LCMT1: variants seen among roughly 807,000 people sequenced by gnomAD.
LCMT1 encodes leucine carboxyl methyltransferase 1.
Under a neutral mutation model 47.7 loss-of-function variants are expected in LCMT1, and 32 were observed. The observed-to-expected ratio is 0.67, with a 90% CI of 0.51 to 0.90. LCMT1 has a LOEUF of 0.90. Ranked by LOEUF, LCMT1 falls within the 40% of genes least tolerant of loss-of-function variation. The pLI is 0.00. For synonymous variants in LCMT1, 152 were observed against 149.7 expected (o/e 1.02, Z -0.11); for missense variants, 375 against 415.2 (o/e 0.90, Z 0.84).
intron 2 of LCMT1, among the ~76,000 whole-genome samples, chr16:25,131,495 A>G (rs1164127980): frequency 6.6e-6 from 1 of 152,270 alleles, no homozygotes; most frequent in Non-Finnish European, 1.5e-5. Context: ...TGAAAATGAC[A>G]TACAATGTAC....
At chr16:25,141,742 C>T (rs936565120) in intron 4 of LCMT1, 7 of 152,308 alleles carry the variant, frequency 4.6e-5, no homozygotes, top group South Asian at 2.1e-4. Context: ...TGTGCATACC[C>T]GCCCTTGTTC....
chr16:25,135,575 T>G (rs1360908215), intron 3 of LCMT1, among the ~76,000 whole-genome samples: 1 of 152,212 alleles, frequency 6.6e-6, no homozygotes, highest in Non-Finnish European at 1.5e-5. Context: ...GGTATGTGTG[T>G]GTCTCTAAAA....
intron 3 of LCMT1, among the ~76,000 whole-genome samples, chr16:25,139,853 C>G (rs1006185018): frequency 2.0e-5 from 3 of 152,126 alleles, no homozygotes; most frequent in Non-Finnish European, 4.4e-5. Context: ...TTTGAAAATA[C>G]GGAGTATATT....
chr16:25,171,146 G>A (rs1033190582), intron 9 of LCMT1, among the ~76,000 whole-genome samples: 18 of 145,070 alleles, frequency 1.2e-4, no homozygotes, highest in African/African-American at 4.5e-4. Context: ...TGAGCCGGGA[G>A]AATCACTTAA....
At chr16:25,129,058 A>G (rs1288014059) in intron 2 of LCMT1, among the ~76,000 whole-genome samples, 2 of 150,280 alleles carry the variant, frequency 1.3e-5, no homozygotes, top group Admixed American at 6.7e-5. Context: ...ACTCCCATTT[A>G]TGAGTGAGAA....
At chr16:25,140,405 A>G (rs1960649651) in intron 4 of LCMT1, 158 bp downstream of exon 4, 6 of 620,444 alleles carry the variant, frequency 9.7e-6, no homozygotes, top group Non-Finnish European at 1.7e-5. Context: ...TCATTCCAGC[A>G]TGTTCTACAG....
intron 5 of LCMT1, among the ~76,000 whole-genome samples, chr16:25,152,291 G>A (rs56043847): frequency 0.037 from 5,649 of 152,212 alleles, 147 homozygotes; most frequent in Middle Eastern, 0.075. Context: ...AGGGAAGAAC[G>A]CCTACAGGCA....
intron 1 of LCMT1, among the ~76,000 whole-genome samples, chr16:25,115,786 T>G (rs1267860806): frequency 6.6e-6 from 1 of 152,142 alleles, no homozygotes; most frequent in African/African-American, 2.4e-5. Flanking sequence ...CAAGCAATTC[T>G]CCCACTTCAG....
At chr16:25,132,662 G>A (rs1960387610) in intron 3 of LCMT1, 139 bp downstream of exon 3, 2 of 827,394 alleles carry the variant, frequency 2.4e-6, no homozygotes, top group Admixed American at 2.7e-5. Flanking sequence ...CTGCCTAGAT[G>A]CCCCTACGAC....
chr16:25,132,641 C>T (rs1960386674), intron 3 of LCMT1, 118 bp downstream of exon 3: 5 of 1,112,630 alleles, frequency 4.5e-6, no homozygotes, highest in Non-Finnish European at 6.3e-6. Flanking sequence ...TGTCTCCCAC[C>T]CCTGTCCCAT....
intron 1 of LCMT1, among the ~76,000 whole-genome samples, chr16:25,126,306 C>A (rs1555481776): frequency 4.6e-5 from 7 of 152,298 alleles, no homozygotes; most frequent in Non-Finnish European, 1.5e-5. Context: ...GCCTGCTTCT[C>A]CCTCTGGCCT....
intron 7 of LCMT1, among the ~76,000 whole-genome samples, chr16:25,166,638 C>A (rs953893306): frequency 6.6e-6 from 1 of 152,000 alleles, no homozygotes; most frequent in Non-Finnish European, 1.5e-5. Flanking sequence ...TTTTTTAAAT[C>A]TCCTTTTCTT....
intron 2 of LCMT1, 140 bp downstream of exon 2, chr16:25,128,706 G>T (rs967799063): frequency 1.2e-5 from 8 of 651,592 alleles, no homozygotes; most frequent in African/African-American, 1.1e-4. Flanking sequence ...CACCAACACG[G>T]TGTGTTATAA....
At chr16:25,147,582 T>C (rs1296389750) in intron 4 of LCMT1, 1 of 152,166 alleles carries the variant, frequency 6.6e-6, no homozygotes, top group African/African-American at 2.4e-5. Context: ...GGCGGTAAGA[T>C]AGTGTTAAAA....
chr16:25,137,248 G>A (rs1960529601), intron 3 of LCMT1, among the ~76,000 whole-genome samples: 3 of 152,116 alleles, frequency 2.0e-5, no homozygotes, highest in African/African-American at 2.4e-5. Context: ...TGGCCAGGCT[G>A]GTCTCGAACT....
At chr16:25,132,166 C>T in intron 2 of LCMT1, 1 of 514,430 alleles carries the variant, frequency 1.9e-6, no homozygotes, top group Non-Finnish European at 3.6e-6. Context: ...CTCATTTTTT[C>T]AAAGGTAGTT....
chr16:25,145,975 A>G (rs1218265237), intron 4 of LCMT1: 11 of 152,228 alleles, frequency 7.2e-5, no homozygotes, highest in Admixed American at 6.5e-4. Flanking sequence ...CTCTGCCTCT[A>G]CCTGCAGTCT....
At chr16:25,171,057 G>A (rs369058081) in intron 9 of LCMT1, among the ~76,000 whole-genome samples, 30 of 152,204 alleles carry the variant, frequency 2.0e-4, no homozygotes, top group African/African-American at 7.2e-4. Context: ...CCAACATGGT[G>A]AAACCTTGTC....
intron 1 of LCMT1, among the ~76,000 whole-genome samples, chr16:25,120,752 G>GGTTTTT (rs1555481139): frequency 9.4e-4 from 108 of 114,484 alleles, no homozygotes; most frequent in African/African-American, 3.6e-3. Context: ...TTTTTTTTTT[G>GGTTTTT]TTTTTTTTTT....
Sources: allele counts gnomAD v4.1 joint callset (sites outside exome capture counted in the v4.1 genomes callset), GRCh38; gene constraint gnomAD v4.1.1; transcripts MANE v1.5; gene names NCBI Gene and HGNC (gene_info 2026-07-23, HGNC 2026-07-21).